The following LHFPL3 variants were observed in gnomAD, a reference collection of about 807,000 sequenced individuals.
LHFPL3 encodes LHFPL tetraspan subfamily member 3 protein.
LHFPL3 carries 5 observed loss-of-function variants against 19.3 expected under a neutral mutation model. The ratio of observed to expected loss-of-function variants is 0.26; its 90% CI spans 0.14 to 0.54. The LOEUF (loss-of-function observed/expected upper bound fraction) is 0.54. Ranked by LOEUF, LHFPL3 falls within the 20% of genes least tolerant of loss-of-function variation. The probability of loss-of-function intolerance (pLI) is 0.94; values close to 1 mark genes in which losing one functional copy is unlikely to be tolerated. For missense variants in LHFPL3, 249 were observed against 307.4 expected, an observed-to-expected ratio of 0.81 and a Z score of 1.42; for synonymous variants, 133 against 126.2, an observed-to-expected ratio of 1.05 and a Z score of -0.36.
At chr7:104,609,316 A>G (rs568783915) in intron 1 of LHFPL3, among the ~76,000 whole-genome samples, 3 of 152,266 alleles carry the variant, frequency 2.0e-5, no homozygotes, top group East Asian at 3.9e-4. Context: ...TATTATCTTA[A>G]TGGGGATTTA....
chr7:104,560,642 C>G (rs1789970989), intron 1 of LHFPL3, among the ~76,000 whole-genome samples: 1 of 130,120 alleles, frequency 7.7e-6, no homozygotes, highest in Non-Finnish European at 1.6e-5. Context: ...CTCTTGGATT[C>G]ATTAATTTTT....
intron 1 of LHFPL3, among the ~76,000 whole-genome samples, chr7:104,516,309 C>G (rs1046735757): frequency 7.2e-5 from 11 of 152,062 alleles, no homozygotes; most frequent in African/African-American, 2.7e-4. Flanking sequence ...CCTTATGATT[C>G]AGTTATCTCC....
intron 1 of LHFPL3, among the ~76,000 whole-genome samples, chr7:104,595,355 G>A (rs1790826455): frequency 6.6e-6 from 1 of 152,206 alleles, no homozygotes; most frequent in Non-Finnish European, 1.5e-5. Flanking sequence ...CTGTTTGCCT[G>A]GGTATTACTA....
intron 1 of LHFPL3, among the ~76,000 whole-genome samples, chr7:104,701,452 A>G (rs1346646946): frequency 6.6e-6 from 1 of 152,224 alleles, no homozygotes; most frequent in East Asian, 1.9e-4. Context: ...TCTTATAATA[A>G]AGTAAACTAG....
intron 1 of LHFPL3, among the ~76,000 whole-genome samples, chr7:104,556,938 C>G (rs1186149522): frequency 1.3e-5 from 2 of 152,164 alleles, no homozygotes; most frequent in Non-Finnish European, 2.9e-5. Flanking sequence ...GCAGAATGCC[C>G]CAGTCTCTTT....
At chr7:104,590,116 G>A (rs1300720070) in intron 1 of LHFPL3, among the ~76,000 whole-genome samples, 3 of 152,054 alleles carry the variant, frequency 2.0e-5, no homozygotes, top group East Asian at 1.9e-4. Context: ...ATCTCCTTCA[G>A]TTCTGCTCTC....
intron 1 of LHFPL3, among the ~76,000 whole-genome samples, chr7:104,731,186 C>T (rs2116281284): frequency 6.6e-6 from 1 of 152,258 alleles, no homozygotes; most frequent in East Asian, 1.9e-4. Flanking sequence ...CGTGATGCCT[C>T]CAGCTTTGTT....
rs546757058 is a variant in LHFPL3, at chr7:104,512,714, C to T, written c.445+183490C>T. On this transcript the variant is annotated intron_variant, in intron 1 of 2. Coordinates refer to ENST00000424859, the MANE Select transcript of LHFPL3 (RefSeq NM_199000.3). The stretch of plus-strand genomic sequence containing the variant: ...TGGTGCCACTGCACTCCAGCCTGAG[C>T]GACAGAGTGAGGACACCTTCTCAAA... Among the ~76,000 whole-genome samples the T allele has an allele frequency of 6.6e-5, 10 of 150,706 alleles. No homozygotes were observed. In the East Asian group the frequency reaches 1.6e-3, roughly 24 times the overall value.
chr7:104,872,666 G>C (rs1333469079), intron 2 of LHFPL3, among the ~76,000 whole-genome samples: 5 of 151,636 alleles, frequency 3.3e-5, no homozygotes, highest in African/African-American at 1.2e-4. Context: ...AAAAAACTAA[G>C]ACAGGGACAG....
intron 1 of LHFPL3, among the ~76,000 whole-genome samples, chr7:104,609,382 C>G (rs1402166071): frequency 6.6e-6 from 1 of 152,130 alleles, no homozygotes; most frequent in African/African-American, 2.4e-5. Flanking sequence ...CTACCCATCT[C>G]CTGAAAGTAG....
At chr7:104,371,552 C>T (rs1270811242) in intron 1 of LHFPL3, among the ~76,000 whole-genome samples, 1 of 152,180 alleles carries the variant, frequency 6.6e-6, no homozygotes, top group Non-Finnish European at 1.5e-5. Flanking sequence ...GTTTTCACTT[C>T]GGACTGAAAC....
At chr7:104,591,654 G>A (rs1562944011) in intron 1 of LHFPL3, among the ~76,000 whole-genome samples, 1 of 152,178 alleles carries the variant, frequency 6.6e-6, no homozygotes, top group Non-Finnish European at 1.5e-5. Flanking sequence ...GAATTTGAAT[G>A]TTGGCCTGCC....
At chr7:104,720,037 A>G (rs1260895501) in intron 1 of LHFPL3, among the ~76,000 whole-genome samples, 2 of 152,148 alleles carry the variant, frequency 1.3e-5, no homozygotes, top group East Asian at 1.9e-4. Context: ...CCTTTATTAC[A>G]AAAAAGCCTA....
intron 1 of LHFPL3, among the ~76,000 whole-genome samples, chr7:104,535,821 A>G (rs1458987252): frequency 6.6e-6 from 1 of 152,226 alleles, no homozygotes; most frequent in Non-Finnish European, 1.5e-5. Context: ...AGCTGTAGAA[A>G]GAGTAAGCTT....
intron 1 of LHFPL3, among the ~76,000 whole-genome samples, chr7:104,481,680 A>G (rs1363483798): frequency 3.3e-5 from 5 of 152,166 alleles, no homozygotes; most frequent in African/African-American, 1.2e-4. Flanking sequence ...TGGTTGATGA[A>G]TAAAGGTAGA....
At chr7:104,743,057 G>A (rs1008911715) in intron 2 of LHFPL3, among the ~76,000 whole-genome samples, 3 of 152,132 alleles carry the variant, frequency 2.0e-5, no homozygotes, top group Admixed American at 1.3e-4. Context: ...GGAGGCAGAG[G>A]TTGCAGTGAG....
chr7:104,371,130 A>C (rs1233081837), intron 1 of LHFPL3, among the ~76,000 whole-genome samples: 3 of 152,168 alleles, frequency 2.0e-5, no homozygotes, highest in Non-Finnish European at 4.4e-5. Context: ...AGCTGATAAA[A>C]AGCTACGATT....
chr7:104,448,424 G>A (rs916754442), intron 1 of LHFPL3, among the ~76,000 whole-genome samples: 1 of 152,116 alleles, frequency 6.6e-6, no homozygotes, highest in Non-Finnish European at 1.5e-5. Context: ...TGGTAAACAC[G>A]CATTATTTAG....
At chr7:104,393,916 A>C (rs931603849) in intron 1 of LHFPL3, among the ~76,000 whole-genome samples, 1 of 152,208 alleles carries the variant, frequency 6.6e-6, no homozygotes, top group Non-Finnish European at 1.5e-5. Context: ...GAGACAGAAG[A>C]TAAATTAATG....
Sources: gnomAD v4.1 joint callset for allele counts (sites outside exome capture counted in the v4.1 genomes callset) on GRCh38, gnomAD v4.1.1 for gene constraint, MANE v1.5 for transcripts, NCBI Gene and HGNC (gene_info 2026-07-23, HGNC 2026-07-21) for gene names.